INMT: variants seen among roughly 807,000 people sequenced by gnomAD.
INMT encodes the protein indolethylamine N-methyltransferase, also known as amine N-methyltransferase.
INMT carries 11 observed loss-of-function variants against 11.5 expected under a neutral mutation model. That is an observed-to-expected ratio of 0.95 (90% CI 0.60 to 1.58). The LOEUF (loss-of-function observed/expected upper bound fraction) is 1.58. Among genes scored for constraint, INMT ranks in the 40% most tolerant of loss-of-function variants. The pLI, the probability that INMT is intolerant of heterozygous loss-of-function variation, is 0.00. For missense variants in INMT, 316 were observed against 336.1 expected (o/e 0.94, Z 0.47); for synonymous variants, 155 against 142.9 (o/e 1.08, Z -0.60).
At position 30,754,235 on chromosome 7, in the gene INMT, T is replaced by A. The variant is rs1436066089; in HGVS notation, c.362+297T>A. ...TCTTCCTTCCTTACCCTCATCTATA[T>A]ATCTACCTCTCTATCTTCTATGTAT... On this transcript the variant is annotated intron_variant, in intron 2 of 2. Transcript: ENST00000013222. This position sits in a 1 kb window ranked among gnomAD's most constrained non-coding sequence, Gnocchi z 4.9. 6.6e-6 allele frequency among the ~76,000 whole-genome samples: 1 copy of A among 152,184 alleles called. No individual in the cohort carries two copies. The highest frequency in any genetic ancestry group is 1.9e-4 in the East Asian group (1 of 5,202).
At position 30,755,517 on chromosome 7, in the gene INMT, T is replaced by A; in HGVS notation, c.458T>A (p.Val153Glu). Reference sequence around the variant, plus strand: ...CTGGGCAACCCGCTGGCCCCGGCTGTGTTGCCTCTCGCCGACTGTGTGCTC... The same window carrying A: ...CTGGGCAACCCGCTGGCCCCGGCTGAGTTGCCTCTCGCCGACTGTGTGCTC... The part of the protein sequence containing the change: ...VHLGNPLAPA[V>E]LPLADCVLTL... The change falls in exon 3 of 3, where the codon GTG becomes GAG. Residue 153 changes from valine (V) to glutamate (E), a missense_variant. By Grantham distance (121) the Val-to-Glu change is moderately radical. Transcript: ENST00000013222. 1 of 1,608,940 alleles carries A rather than the reference T, an allele frequency of 6.2e-7. No homozygotes were observed.
At chr7:30,752,672 G>T (rs1281499380) in intron 1 of INMT, among the ~76,000 whole-genome samples, 1 of 152,218 alleles carries the variant, frequency 6.6e-6, no homozygotes, top group Non-Finnish European at 1.5e-5. Flanking sequence ...CAAACAGCAG[G>T]GTTGCAGTGG....
At position 30,753,621 on chromosome 7, in the gene INMT, A is replaced by C. The variant is rs1205167142; in HGVS notation, c.155-110A>C. The C allele has an allele frequency of 4.2e-6, 4 of 941,770 alleles. No individual in the cohort carries two copies. The African/African-American group carries it at 6.5e-5, about 15-fold the overall frequency. The allele number at this position is 941,770 out of a possible 1,614,324, so 58.3% of individuals were successfully genotyped here. On this transcript the variant is annotated intron_variant, in intron 1 of 2. Coordinates refer to ENST00000013222, the MANE Select transcript of INMT (RefSeq NM_006774.5). ...AGGGAGCTGCCAATCCGTGATAACC[A>C]CCAAGCACGTTTGCCCCTTGGGTAA...
intron 1 of INMT, among the ~76,000 whole-genome samples, chr7:30,752,993 G>T (rs1479573494): frequency 2.6e-5 from 4 of 152,222 alleles, no homozygotes; most frequent in Non-Finnish European, 5.9e-5. Context: ...TGTGGGATAA[G>T]AGGGGGTTAA....
rs1452930891 is a variant in INMT, at chr7:30,754,841, C to T, written c.363-581C>T. 6.6e-6 allele frequency among the ~76,000 whole-genome samples: 1 copy of T among 152,236 alleles called. No individual in the cohort carries two copies. Among genetic ancestry groups the T allele is most frequent in the African/African-American group, 2.4e-5 (1 of 41,460 alleles). ...AAGACTTACCTGTGCTTCTCTGTGACTCCTTGCCTCTGCCTTTCCCAACCT... is the reference window on the plus strand; with the variant it reads ...AAGACTTACCTGTGCTTCTCTGTGATTCCTTGCCTCTGCCTTTCCCAACCT... On this transcript the variant is annotated intron_variant, in intron 2 of 2. Coordinates refer to ENST00000013222, the MANE Select transcript of INMT (RefSeq NM_006774.5). The surrounding 1 kb of genome is among the most constrained non-coding windows in gnomAD (Gnocchi z 4.9).
chr7:30,754,271 G>A lies in INMT; in HGVS notation c.362+333G>A, dbSNP rs565496276. On this transcript the variant is annotated intron_variant, in intron 2 of 2. Coordinates refer to ENST00000013222, the MANE Select transcript of INMT (RefSeq NM_006774.5). This position sits in a 1 kb window ranked among gnomAD's most constrained non-coding sequence, Gnocchi z 4.9. ...CTATCTTCTATGTATCTAACTATCC[G>A]TGCATATCCATCCATCCGTCCACCC... Among the ~76,000 whole-genome samples, 5 of 151,730 alleles carry A rather than the reference G, an allele frequency of 3.3e-5. No homozygotes were observed. In the East Asian group the frequency reaches 5.8e-4, roughly 18 times the overall value.
Position 30,753,761 on chromosome 7 carries a change from T to C in INMT, c.185T>C (p.Ile62Thr), listed in dbSNP as rs1241809003. 7.4e-6 allele frequency: 12 copies of C among 1,614,084 alleles called. No homozygotes were observed. The highest frequency in any genetic ancestry group is 6.6e-5 in the South Asian group (6 of 91,092). ...GGLQGDTLID[I>T]GSGPTIYQVL... ...CTCCAAGGGGACACGCTGATTGACA[T>C]TGGCTCAGGTCCTACCATCTACCAA... is the stretch of plus-strand genomic sequence containing the variant. The change falls in exon 2 of 3, where the codon ATT becomes ACT. Residue 62 changes from isoleucine to threonine, a missense_variant. Ile to Thr is a moderately conservative substitution (Grantham distance 89, BLOSUM62 -1). Coordinates refer to ENST00000013222, the MANE Select transcript of INMT (RefSeq NM_006774.5).
intron 1 of INMT, among the ~76,000 whole-genome samples, chr7:30,752,625 C>T (rs760558051): frequency 5.9e-5 from 9 of 152,198 alleles, no homozygotes; most frequent in Non-Finnish European, 1.3e-4. Context: ...CCTGACCTTG[C>T]ACAGCCAGGC....
rs1050445438 is a variant in INMT, at chr7:30,752,427, C to T, written c.154+123C>T. ...GGTTTTTGGGGATGGGCTGGGGGAG[C>T]TTCTGGGGCCCTGCCCCCTCTCTTT... is the stretch of plus-strand genomic sequence containing the variant. On this transcript the variant is annotated intron_variant, in intron 1 of 2. Transcript: ENST00000013222. 12 of 723,172 alleles carry T rather than the reference C, an allele frequency of 1.7e-5. No homozygotes were observed. In the Admixed American group the frequency reaches 2.7e-4, roughly 16 times the overall value. 44.8% of individuals were successfully genotyped at this position (723,172 alleles called of 1,614,324 possible).
rs1786235883 is a variant in INMT at position 30,756,119 on chromosome 7, G to A, written c.*268G>A. The A allele has an allele frequency of 4.0e-6, 5 of 1,250,882 alleles. No homozygotes were observed. The highest frequency in any genetic ancestry group is 3.7e-5 in the Admixed American group (1 of 27,300). The allele number at this position is 1,250,882 out of a possible 1,614,324, so 77.5% of individuals were successfully genotyped here. On this transcript the variant is annotated 3_prime_UTR_variant, in exon 3 of 3. Transcript: ENST00000013222. ...GATGCGATCTGACTCCTGTGTGACT[G>A]TGGAGCACCCAGGGACGTGGTTTTA...
chr7:30,752,661 G>A (rs1208950107), intron 1 of INMT, among the ~76,000 whole-genome samples: 1 of 152,204 alleles, frequency 6.6e-6, no homozygotes, highest in African/African-American at 2.4e-5. Context: ...AAGGCCAAGG[G>A]CAAACAGCAG....
At position 30,756,124 on chromosome 7, in the gene INMT, G is replaced by A; in HGVS notation, c.*273G>A. On this transcript the variant is annotated 3_prime_UTR_variant, in exon 3 of 3. Transcript: ENST00000013222. ...GATCTGACTCCTGTGTGACTGTGGAGCACCCAGGGACGTGGTTTTAGAGTC... is the reference window on the plus strand; with the variant it reads ...GATCTGACTCCTGTGTGACTGTGGAACACCCAGGGACGTGGTTTTAGAGTC... 1 of 1,240,508 alleles carries A rather than the reference G, an allele frequency of 8.1e-7. No individual in the cohort carries two copies. Among genetic ancestry groups the A allele is most frequent in the Non-Finnish European group, 1.0e-6 (1 of 988,490 alleles). 76.8% of individuals were successfully genotyped at this position (1,240,508 alleles called of 1,614,324 possible).
Position 30,753,728 on chromosome 7 carries a change from C to A in INMT, c.155-3C>A. On this transcript the variant is annotated splice_polypyrimidine_tract_variant and splice_region_variant and intron_variant, in intron 1 of 2. Coordinates refer to ENST00000013222, the MANE Select transcript of INMT (RefSeq NM_006774.5). ...ATCCATTACCAGTCTTTCCCTCCCA[C>A]AGGAGGCCTCCAAGGGGACACGCTG... The A allele has an allele frequency of 1.9e-6, 3 of 1,613,692 alleles. No homozygotes were observed. Among genetic ancestry groups the A allele is most frequent in the Non-Finnish European group, 2.5e-6 (3 of 1,179,580 alleles).
Position 30,755,917 on chromosome 7 carries a change from G to C in INMT, c.*66G>C, listed in dbSNP as rs1786231967. The C allele has an allele frequency of 6.5e-7, 1 of 1,529,730 alleles. No individual in the cohort carries two copies. The highest frequency in any genetic ancestry group is 1.4e-5 in the African/African-American group (1 of 72,940). The allele number at this position is 1,529,730 out of a possible 1,614,324, so 94.8% of individuals were successfully genotyped here. ...CTTGGCCATCTGTATGCTAGAGAGGGGTGAGGAATGGATACTGTCTAACAG... is the reference window on the plus strand; with the variant it reads ...CTTGGCCATCTGTATGCTAGAGAGGCGTGAGGAATGGATACTGTCTAACAG... On this transcript the variant is annotated 3_prime_UTR_variant, in exon 3 of 3. Transcript: ENST00000013222.
Position 30,756,099 on chromosome 7 carries a change from G to T in INMT, c.*248G>T, listed in dbSNP as rs1283374092. The T allele has an allele frequency of 2.3e-6, 3 of 1,298,610 alleles. No individual in the cohort carries two copies. Among genetic ancestry groups the T allele is most frequent in the South Asian group, 4.3e-5 (2 of 46,006 alleles). The allele number at this position is 1,298,610 out of a possible 1,614,324, so 80.4% of individuals were successfully genotyped here. ...TAAGCCTTACAGCTATCTTAGATGC[G>T]ATCTGACTCCTGTGTGACTGTGGAG... On this transcript the variant is annotated 3_prime_UTR_variant, in exon 3 of 3. Transcript: ENST00000013222.
At position 30,756,159 on chromosome 7, in the gene INMT, T is replaced by C. The variant is rs1474157134; in HGVS notation, c.*308T>C. The C allele has an allele frequency of 1.8e-6, 2 of 1,130,270 alleles. No individual in the cohort carries two copies. The highest frequency in any genetic ancestry group is 3.3e-5 in the South Asian group (1 of 30,368). 70.0% of individuals were successfully genotyped at this position (1,130,270 alleles called of 1,614,324 possible). On this transcript the variant is annotated 3_prime_UTR_variant, in exon 3 of 3. Transcript: ENST00000013222. The stretch of plus-strand genomic sequence containing the variant: ...ACGTGGTTTTAGAGTCTACCTAATA[T>C]GTTAAGGACAAGGAAACCTCTGAGT...
Position 30,755,868 on chromosome 7 carries a change from A to G in INMT, c.*17A>G. On this transcript the variant is annotated 3_prime_UTR_variant, in exon 3 of 3. Coordinates refer to ENST00000013222, the MANE Select transcript of INMT (RefSeq NM_006774.5). ...GGGCCCTGAGCCAGGAGGGCCAGCC[A>G]GAGGTCTGGTCAGGCTGTGAGGCCT... 2 of 1,597,798 alleles carry G rather than the reference A, an allele frequency of 1.3e-6. No individual in the cohort carries two copies. The highest frequency in any genetic ancestry group is 1.7e-6 in the Non-Finnish European group (2 of 1,172,198).
chr7:30,755,699 G>A lies in INMT; in HGVS notation c.640G>A (p.Val214Met), dbSNP rs56800285. 1.4e-4 allele frequency: 234 copies of A among 1,614,184 alleles called. No individual in the cohort carries two copies. In the African/African-American group the frequency reaches 2.1e-3, roughly 15 times the overall value. Reference sequence around the variant, plus strand: ...GGTGGGGAAGCGTGAATTTTCCTGCGTGGCCCTGGAGAAAGAGGAGGTGGA... The same window carrying A: ...GGTGGGGAAGCGTGAATTTTCCTGCATGGCCCTGGAGAAAGAGGAGGTGGA... ...YMVGKREFSC[V>M]ALEKEEVEQA... The change falls in exon 3 of 3, where the codon GTG becomes ATG. Residue 214 changes from valine (V) to methionine (M), a missense_variant. Coordinates refer to ENST00000013222, the MANE Select transcript of INMT (RefSeq NM_006774.5).
rs1178356645 is a variant in INMT at position 30,754,484 on chromosome 7, TATCC to T, written c.362+568_362+571del. Among the ~76,000 whole-genome samples, 39 of 150,456 alleles carry T rather than the reference TATCC, an allele frequency of 2.6e-4. No homozygotes were observed. The highest frequency in any genetic ancestry group is 1.3e-3 in the South Asian group (6 of 4,738). On this transcript the variant is annotated intron_variant, in intron 2 of 2. Coordinates refer to ENST00000013222, the MANE Select transcript of INMT (RefSeq NM_006774.5). This position sits in a 1 kb window ranked among gnomAD's most constrained non-coding sequence, Gnocchi z 4.9. ...ACCCACCCATCCATTCATCCATCCATATCCATCCATCCATCCATCCATCCACCCA... is the reference window on the plus strand; with the variant it reads ...ACCCACCCATCCATTCATCCATCCATATCCATCCATCCATCCATCCACCCA...
Sources: allele counts gnomAD v4.1 joint callset (sites outside exome capture counted in the v4.1 genomes callset), GRCh38; gene constraint gnomAD v4.1.1; non-coding constraint Gnocchi (gnomAD v3.1); transcripts MANE v1.5; gene names NCBI Gene and HGNC (gene_info 2026-07-23, HGNC 2026-07-21).